SMYD3: variants seen among roughly 807,000 people sequenced by gnomAD.
SMYD3 encodes the protein SET and MYND domain containing 3.
A neutral mutation model predicts 57.7 loss-of-function variants in SMYD3; 36 were observed. The ratio of observed to expected loss-of-function variants is 0.62; its 90% CI spans 0.48 to 0.82. SMYD3 has a LOEUF of 0.82. Ranked by LOEUF, SMYD3 falls within the 40% of genes least tolerant of loss-of-function variation. The pLI, the probability that SMYD3 is intolerant of heterozygous loss-of-function variation, is 0.00. For missense variants in SMYD3, 515 were observed against 538.8 expected, an observed-to-expected ratio of 0.96 and a Z score of 0.44; for synonymous variants, 211 against 195.0, an observed-to-expected ratio of 1.08 and a Z score of -0.68.
intron 10 of SMYD3, among the ~76,000 whole-genome samples, chr1:245,855,791 A>G (rs1372660113): frequency 1.3e-5 from 2 of 152,242 alleles, no homozygotes; most frequent in African/African-American, 4.8e-5. Context: ...ATGGAATAGC[A>G]GCACTTTCTC....
At chr1:245,969,407 G>C (rs758927830) in intron 5 of SMYD3, among the ~76,000 whole-genome samples, 2 of 152,192 alleles carry the variant, frequency 1.3e-5, no homozygotes, top group African/African-American at 2.4e-5. Context: ...TTCTCTACTG[G>C]AGGGGTAAAA....
intron 3 of SMYD3, among the ~76,000 whole-genome samples, chr1:246,334,018 A>G (rs1421614193): frequency 5.3e-5 from 8 of 152,144 alleles, no homozygotes; most frequent in African/African-American, 1.7e-4. Context: ...TCAAAACCAC[A>G]ATGAGACACC....
intron 10 of SMYD3, among the ~76,000 whole-genome samples, chr1:245,835,884 G>C (rs147918905): frequency 6.6e-6 from 1 of 152,270 alleles, no homozygotes; most frequent in Admixed American, 6.5e-5. Flanking sequence ...TCTGTTCTCC[G>C]TCGACGTGAC....
intron 1 of SMYD3, among the ~76,000 whole-genome samples, chr1:246,498,554 A>T (rs1167594228): frequency 6.6e-6 from 1 of 152,010 alleles, no homozygotes; most frequent in Non-Finnish European, 1.5e-5. Context: ...TAATGGTGAA[A>T]CCCTGTCTCT....
At chr1:245,777,992 G>T (rs1218199336) in intron 10 of SMYD3, among the ~76,000 whole-genome samples, 1 of 151,984 alleles carries the variant, frequency 6.6e-6, no homozygotes, top group Non-Finnish European at 1.5e-5. Flanking sequence ...AAAGACAGAG[G>T]GCAGGAAAAT....
intron 5 of SMYD3, among the ~76,000 whole-genome samples, chr1:245,990,323 A>G (rs1450704825): frequency 6.6e-6 from 1 of 152,176 alleles, no homozygotes; most frequent in Admixed American, 6.5e-5. Context: ...TCCTGGGCTC[A>G]AGCAATCCTC....
chr1:245,920,083 G>A (rs1171648250), intron 7 of SMYD3, among the ~76,000 whole-genome samples: 1 of 152,164 alleles, frequency 6.6e-6, no homozygotes, highest in Non-Finnish European at 1.5e-5. Context: ...GGAGGCCAAG[G>A]CGGTAGGATC....
intron 2 of SMYD3, among the ~76,000 whole-genome samples, chr1:246,337,399 T>A (rs2065560351): frequency 6.6e-6 from 1 of 152,150 alleles, no homozygotes; most frequent in South Asian, 2.1e-4. Flanking sequence ...ATCTATATAT[T>A]TTTTTTCACC....
At chr1:245,911,508 T>C (rs566245841) in intron 8 of SMYD3, among the ~76,000 whole-genome samples, 1 of 151,484 alleles carries the variant, frequency 6.6e-6, no homozygotes, top group Non-Finnish European at 1.5e-5. Context: ...TATATATATA[T>C]ATACACACAC....
intron 10 of SMYD3, among the ~76,000 whole-genome samples, chr1:245,826,936 CATGGGGATT>C (rs767447449): frequency 2.6e-5 from 4 of 152,194 alleles, no homozygotes; most frequent in Non-Finnish European, 4.4e-5. Flanking sequence ...TTCCTTGACA[CATGGGGATT>C]ATGGGGATTA....
At chr1:246,141,808 C>T (rs1344382808) in intron 5 of SMYD3, among the ~76,000 whole-genome samples, 1 of 152,110 alleles carries the variant, frequency 6.6e-6, no homozygotes, top group Non-Finnish European at 1.5e-5. Flanking sequence ...CTGTTTAAAC[C>T]CTGGTGATTG....
intron 5 of SMYD3, among the ~76,000 whole-genome samples, chr1:245,998,344 T>C (rs1433303727): frequency 6.6e-6 from 1 of 152,198 alleles, no homozygotes; most frequent in South Asian, 2.1e-4. Flanking sequence ...AGAGACATGA[T>C]TCTTGCTGAA....
rs530172903 is a variant in SMYD3, at chr1:245,865,081, T to C, written c.814-1195A>G. ...ATAGTAGTTGCTTACTCAGCACTTG[T>C]TGAATGAATGACTGAAAACCACATG... On this transcript the variant is annotated intron_variant, in intron 8 of 11. Transcript: ENST00000490107. Among the ~76,000 whole-genome samples the C allele has an allele frequency of 2.0e-5, 3 of 152,344 alleles. No individual in the cohort carries two copies. The South Asian group carries it at 6.2e-4, about 32-fold the overall frequency.
At chr1:246,310,858 C>CG (rs2065065286) in intron 5 of SMYD3, among the ~76,000 whole-genome samples, 1 of 151,678 alleles carries the variant, frequency 6.6e-6, no homozygotes, top group East Asian at 1.9e-4. Context: ...TTAGTAGAGA[C>CG]GGGGTTTCAC....
chr1:246,463,320 C>T (rs2067829765), intron 1 of SMYD3, among the ~76,000 whole-genome samples: 1 of 152,032 alleles, frequency 6.6e-6, no homozygotes, highest in South Asian at 2.1e-4. Flanking sequence ...CTGAAATCAA[C>T]AGGATTGCAG....
In SMYD3 at chr1:246,395,642, A is replaced by ATGG. The variant is rs1558442818; in HGVS notation, c.165-40549_165-40548insCCA. On this transcript the variant is annotated intron_variant, in intron 1 of 11. Transcript: ENST00000490107. Reference sequence around the variant, plus strand: ...GCTGGACAGGGAAGACGAACACACCACAGTCAGACAGGGAAGACGAACCCA... The same window carrying ATGG: ...GCTGGACAGGGAAGACGAACACACCATGGCAGTCAGACAGGGAAGACGAACCCA... 7.0e-3 allele frequency among the ~76,000 whole-genome samples: 892 copies of ATGG among 128,272 alleles called. 5 individuals are homozygous for ATGG. The highest frequency in any genetic ancestry group is 0.016 in the African/African-American group (496 of 31,828). 84.2% of individuals were successfully genotyped at this position (128,272 alleles called of 152,430 possible).
intron 7 of SMYD3, among the ~76,000 whole-genome samples, chr1:245,923,374 CT>C (rs1478387963): frequency 1.3e-5 from 2 of 152,144 alleles, no homozygotes; most frequent in East Asian, 3.8e-4. Context: ...GTCCTTCTCC[CT>C]TACACAAATA....
intron 5 of SMYD3, among the ~76,000 whole-genome samples, chr1:246,140,098 A>C (rs554966449): frequency 6.6e-6 from 1 of 152,362 alleles, no homozygotes; most frequent in East Asian, 1.9e-4. Context: ...GATCTCTTTC[A>C]AAAGGATCAT....
chr1:245,960,585 G>C (rs1025818739), intron 5 of SMYD3, among the ~76,000 whole-genome samples: 1 of 152,132 alleles, frequency 6.6e-6, no homozygotes, highest in Non-Finnish European at 1.5e-5. Context: ...AAATTAGTCA[G>C]GTGTGGTAGT....
Sources: gnomAD v4.1 joint callset for allele counts (sites outside exome capture counted in the v4.1 genomes callset) on GRCh38, gnomAD v4.1.1 for gene constraint, MANE v1.5 for transcripts, NCBI Gene and HGNC (gene_info 2026-07-23, HGNC 2026-07-21) for gene names.